Variants in GDA observed in about 807,000 individuals in gnomAD.
GDA encodes cytoplasmic PSD-95 interactor.
In GDA, 18 loss-of-function variants were observed where a neutral mutation model predicts 59.6. The observed-to-expected ratio is 0.30, with a 90% CI of 0.21 to 0.45. The LOEUF (loss-of-function observed/expected upper bound fraction) is 0.45. Among genes scored for constraint, GDA ranks in the 20% least tolerant of loss-of-function variants. The pLI is 1.00. For missense variants in GDA, 427 were observed against 552.3 expected (o/e 0.77, Z 2.27); for synonymous variants, 201 against 201.1 (o/e 1.00, Z 0.00).
intron 1 of GDA, among the ~76,000 whole-genome samples, chr9:72,161,742 T>C (rs764706532): frequency 6.6e-6 from 1 of 152,246 alleles, no homozygotes; most frequent in Non-Finnish European, 1.5e-5. Flanking sequence ...TCCTGGAACA[T>C]GGTAGACCCT....
chr9:72,162,903 C>T (rs7023990), intron 1 of GDA, among the ~76,000 whole-genome samples: 28,229 of 151,982 alleles, frequency 0.19, 2,952 homozygotes, highest in African/African-American at 0.3. Flanking sequence ...GTGATCCGCC[C>T]GCCTCGGCCT....
intron 1 of GDA, among the ~76,000 whole-genome samples, chr9:72,126,203 G>T (rs1352447316): frequency 6.6e-6 from 1 of 152,100 alleles, no homozygotes; most frequent in East Asian, 1.9e-4. Context: ...ACCTGGCCAG[G>T]AATGTTTTTA....
intron 6 of GDA, among the ~76,000 whole-genome samples, chr9:72,220,594 G>A (rs1167298264): frequency 1.3e-5 from 2 of 152,106 alleles, no homozygotes; most frequent in Admixed American, 6.5e-5. Flanking sequence ...TTCTTCCTCA[G>A]TGGTTTTCCT....
At chr9:72,176,321 T>C (rs1830537121) in intron 1 of GDA, among the ~76,000 whole-genome samples, 1 of 152,212 alleles carries the variant, frequency 6.6e-6, no homozygotes, top group African/African-American at 2.4e-5. Context: ...ATGGAAGCCA[T>C]CCTTTTTATG....
At chr9:72,118,292 A>AAAAAAAAAAAG (rs1195909310) in intron 1 of GDA, among the ~76,000 whole-genome samples, 1 of 150,906 alleles carries the variant, frequency 6.6e-6, no homozygotes, top group African/African-American at 2.4e-5. Context: ...AAAAAAAAAA[A>AAAAAAAAAAAG]AAAAAGAATG....
At chr9:72,170,245 G>A (rs1829790238) in intron 1 of GDA, among the ~76,000 whole-genome samples, 1 of 152,112 alleles carries the variant, frequency 6.6e-6, no homozygotes, top group Non-Finnish European at 1.5e-5. Flanking sequence ...GGTAGCTTCT[G>A]GGGCACTTGT....
At chr9:72,226,635 T>C (rs894917225) in intron 8 of GDA, among the ~76,000 whole-genome samples, 2 of 152,234 alleles carry the variant, frequency 1.3e-5, no homozygotes, top group Admixed American at 6.5e-5. Context: ...AATAATTTCT[T>C]AGTGACTGTG....
intron 9 of GDA, 170 bp downstream of exon 9, chr9:72,228,210 C>T (rs1385061350): frequency 1.9e-5 from 11 of 576,166 alleles, no homozygotes; most frequent in Non-Finnish European, 2.5e-5. Context: ...AAAGAGAACA[C>T]GTAAGAGGAC....
At chr9:72,258,562 T>C (rs1788320993), downstream of GDA, among the ~76,000 whole-genome samples, 1 of 152,208 alleles carries the variant, frequency 6.6e-6, no homozygotes, top group Admixed American at 6.5e-5. Context: ...TGGATTGGAA[T>C]GGGGCAGCTG....
At position 72,204,758 on chromosome 9, in the gene GDA, G is replaced by A. The variant is rs189631418; in HGVS notation, c.384+2016G>A. 1.3e-3 allele frequency among the ~76,000 whole-genome samples: 191 copies of A among 152,274 alleles called. 1 individual carries two copies. The highest frequency in any genetic ancestry group is 4.5e-3 in the African/African-American group (185 of 41,552). ...TCAAAGACTATATATTTTTCAGGCA[G>A]TACTCCATATAAATTATTTCTGACA... On this transcript the variant is annotated intron_variant, in intron 3 of 13. Coordinates refer to ENST00000358399, the MANE Select transcript of GDA (RefSeq NM_004293.5).
chr9:72,233,909 T>C (rs1246114529), intron 10 of GDA, among the ~76,000 whole-genome samples: 1 of 152,096 alleles, frequency 6.6e-6, no homozygotes, highest in Non-Finnish European at 1.5e-5. Context: ...GCCACTGCAC[T>C]CCAGTCTGGG....
chr9:72,116,592 G>A (rs1444608630), intron 1 of GDA, among the ~76,000 whole-genome samples: 2 of 151,798 alleles, frequency 1.3e-5, no homozygotes, highest in Non-Finnish European at 2.9e-5. Context: ...TACGTTGGTT[G>A]GCCAGGATGG....
At chr9:72,168,667 C>T (rs189998384) in intron 1 of GDA, among the ~76,000 whole-genome samples, 1 of 152,156 alleles carries the variant, frequency 6.6e-6, no homozygotes, top group Non-Finnish European at 1.5e-5. Flanking sequence ...TGCTGATACC[C>T]TGTCTTCAAA....
In GDA at chr9:72,231,111, C is replaced by G. The variant is rs1218006532; in HGVS notation, c.921-3C>G. On this transcript the variant is annotated splice_region_variant and splice_polypyrimidine_tract_variant and intron_variant, in intron 9 of 13. Coordinates refer to ENST00000358399, the MANE Select transcript of GDA (RefSeq NM_004293.5). The stretch of plus-strand genomic sequence containing the variant: ...CTTGTTCTGACATCTCCTCTCTCTA[C>G]AGGCTCAGCAGTGGATTTCTAAATG... 6.4e-7 allele frequency: 1 copy of G among 1,555,150 alleles called. No individual in the cohort carries two copies. The highest frequency in any genetic ancestry group is 2.2e-5 in the East Asian group (1 of 44,590).
chr9:72,225,464 G>C (rs1837435438), intron 7 of GDA, among the ~76,000 whole-genome samples: 1 of 151,970 alleles, frequency 6.6e-6, no homozygotes, highest in Non-Finnish European at 1.5e-5. Context: ...CACACTACAT[G>C]TTCATAATAT....
intron 1 of GDA, among the ~76,000 whole-genome samples, chr9:72,140,653 C>CG (rs1826410047): frequency 6.6e-6 from 1 of 152,008 alleles, no homozygotes; most frequent in South Asian, 2.1e-4. Flanking sequence ...TTATGTGTTC[C>CG]GGGCCATTAA....
At chr9:72,135,440 T>C (rs187248145) in intron 1 of GDA, among the ~76,000 whole-genome samples, 244 of 152,312 alleles carry the variant, frequency 1.6e-3, no homozygotes, top group Non-Finnish European at 2.8e-3. Context: ...TGATGCCACA[T>C]GACAAGATCA....
chr9:72,169,088 T>A (rs1334033672), intron 1 of GDA, among the ~76,000 whole-genome samples: 1 of 152,242 alleles, frequency 6.6e-6, no homozygotes, highest in East Asian at 1.9e-4. Flanking sequence ...GTTAGCAAAC[T>A]TTCTAAACCC....
chr9:72,133,220 G>A (rs1826086248), intron 1 of GDA, among the ~76,000 whole-genome samples: 3 of 148,110 alleles, frequency 2.0e-5, no homozygotes, highest in Admixed American at 1.4e-4. Flanking sequence ...AATCCAGGAG[G>A]CGGAGGTTGT....
Sources: allele counts gnomAD v4.1 joint callset (sites outside exome capture counted in the v4.1 genomes callset), GRCh38; gene constraint gnomAD v4.1.1; transcripts MANE v1.5; gene names NCBI Gene and HGNC (gene_info 2026-07-23, HGNC 2026-07-21).